The following ZNF138 variants were observed in gnomAD, a reference collection of about 807,000 sequenced individuals.
ZNF138 encodes zinc finger protein 138 (clone pHZ-32).
Under a neutral mutation model 33.0 loss-of-function variants are expected in ZNF138, and 33 were observed. The observed-to-expected ratio is 1.00, with a 90% CI of 0.76 to 1.34. The LOEUF (loss-of-function observed/expected upper bound fraction) is 1.34, where lower values mean the gene tolerates loss of function less well. Ranked by LOEUF, ZNF138 falls within the 40% of genes most tolerant of loss-of-function variation. ZNF138 has a pLI of 0.00. For missense variants in ZNF138, 360 were observed against 370.8 expected, an observed-to-expected ratio of 0.97 and a Z score of 0.24; for synonymous variants, 139 against 120.4, an observed-to-expected ratio of 1.15 and a Z score of -1.01.
At chr7:64,818,382 A>G (rs1788849527) in intron 3 of ZNF138, among the ~76,000 whole-genome samples, 1 of 152,162 alleles carries the variant, frequency 6.6e-6, no homozygotes, top group Non-Finnish European at 1.5e-5. Flanking sequence ...CTTTGCTTCC[A>G]CAGTTGGATT....
At chr7:64,849,783 A>T in the ZNF138 span, among the ~76,000 whole-genome samples, 1 of 151,814 alleles carries the variant, frequency 6.6e-6, no homozygotes, top group Non-Finnish European at 1.5e-5. Context: ...CAAAAGCAAG[A>T]CTCATTCCCA....
the ZNF138 span, among the ~76,000 whole-genome samples, chr7:64,847,334 T>TATATATATATATATA: frequency 6.2e-4 from 58 of 93,582 alleles, no homozygotes; most frequent in East Asian, 1.4e-3. Flanking sequence ...ATATATATAT[T>TATATATATATATATA]TTTTTTTTTT....
the ZNF138 span, among the ~76,000 whole-genome samples, chr7:64,841,738 A>G: frequency 6.6e-6 from 1 of 152,184 alleles, no homozygotes; most frequent in East Asian, 1.9e-4. Context: ...TCTTCATGCC[A>G]TGTCATTTTA....
At chr7:64,811,046 T>C (rs1471483358) in intron 1 of ZNF138, among the ~76,000 whole-genome samples, 1 of 152,200 alleles carries the variant, frequency 6.6e-6, no homozygotes. Flanking sequence ...ATAAACACAA[T>C]AAAAATTTCT....
At chr7:64,848,063 C>G in the ZNF138 span, among the ~76,000 whole-genome samples, 1 of 152,080 alleles carries the variant, frequency 6.6e-6, no homozygotes, top group Admixed American at 6.6e-5. Context: ...GGCAAATGCT[C>G]TCAGCATTTG....
chr7:64,814,866 C>G, intron 1 of ZNF138, 52 bp from the exon 2 acceptor site: 12 of 1,605,572 alleles, frequency 7.5e-6, no homozygotes, highest in Non-Finnish European at 1.0e-5. Context: ...AAAATTCTGC[C>G]CATGGCTACT....
intron 1 of ZNF138, among the ~76,000 whole-genome samples, chr7:64,812,483 A>G (rs1788256980): frequency 6.6e-6 from 1 of 152,082 alleles, no homozygotes; most frequent in Admixed American, 6.6e-5. Context: ...TTACCTTTTC[A>G]CTAAAGGGTG....
chr7:64,853,539 T>A, the ZNF138 span, among the ~76,000 whole-genome samples: 30 of 135,536 alleles, frequency 2.2e-4, no homozygotes, highest in African/African-American at 7.5e-4. Flanking sequence ...GTCTTCTAAA[T>A]TTATCTATAT....
intron 1 of ZNF138, among the ~76,000 whole-genome samples, chr7:64,807,625 G>C (rs533782591): frequency 1.6e-4 from 24 of 152,264 alleles, no homozygotes; most frequent in South Asian, 1.2e-3. Flanking sequence ...GTAAATCTCT[G>C]CCTGAGATTT....
At chr7:64,800,765 CTT>C (rs577860223) in intron 1 of ZNF138, among the ~76,000 whole-genome samples, 1 of 151,878 alleles carries the variant, frequency 6.6e-6, no homozygotes. Flanking sequence ...GGTACCAGCT[CTT>C]TTTTTTATAC....
chr7:64,823,926 A>G (rs1341775098), intron 3 of ZNF138, among the ~76,000 whole-genome samples: 1 of 152,192 alleles, frequency 6.6e-6, no homozygotes. Flanking sequence ...TGACAGATTG[A>G]GACTCCACCT....
chr7:64,833,801 C>T (rs4429995), downstream of ZNF138: 150,131 of 152,354 alleles, frequency 0.99, 74,011 homozygotes, highest in East Asian at 1. Context: ...CTTGGTTTAC[C>T]GTAACCTCTG....
At chr7:64,853,022 G>A in the ZNF138 span, 9 of 1,495,334 alleles carry the variant, frequency 6.0e-6, no homozygotes, top group African/African-American at 6.9e-5. Context: ...GACCCCCATT[G>A]CGTAGAGGTC....
intron 1 of ZNF138, among the ~76,000 whole-genome samples, chr7:64,797,338 T>C (rs1443122940): frequency 2.0e-5 from 3 of 152,238 alleles, no homozygotes; most frequent in Non-Finnish European, 4.4e-5. Context: ...TTACATACTT[T>C]TGCATTTGAG....
chr7:64,809,985 G>A (rs77934972), intron 1 of ZNF138, among the ~76,000 whole-genome samples: 43,534 of 75,168 alleles, frequency 0.58, 13,314 homozygotes, highest in East Asian at 0.68. Context: ...TGGGCAGCCA[G>A]GCAGAGGGGC....
chr7:64,817,139 T>G (rs1277899693), intron 3 of ZNF138, among the ~76,000 whole-genome samples: 1 of 151,294 alleles, frequency 6.6e-6, no homozygotes, highest in East Asian at 1.9e-4. Context: ...TGGGTTTCTA[T>G]GTAGGCAGAA....
At chr7:64,840,408 ATTT>A in the ZNF138 span, among the ~76,000 whole-genome samples, 1 of 152,156 alleles carries the variant, frequency 6.6e-6, no homozygotes, top group Non-Finnish European at 1.5e-5. Context: ...CGTTGGTTAA[ATTT>A]TTTATTTATA....
chr7:64,825,581 C>G (rs1207155421), intron 3 of ZNF138, among the ~76,000 whole-genome samples: 1 of 148,190 alleles, frequency 6.7e-6, no homozygotes, highest in African/African-American at 2.5e-5. Context: ...TGCTCTGTCG[C>G]CAAGCTGGAG....
At chr7:64,844,429 A>G in the ZNF138 span, among the ~76,000 whole-genome samples, 286 of 152,038 alleles carry the variant, frequency 1.9e-3, 3 homozygotes, top group African/African-American at 6.6e-3. Context: ...GGAGACAGTG[A>G]TAGCAAAAGG....
Sources: gnomAD v4.1 joint callset for allele counts (sites outside exome capture counted in the v4.1 genomes callset) on GRCh38, gnomAD v4.1.1 for gene constraint, MANE v1.5 for transcripts, NCBI Gene and HGNC (gene_info 2026-07-23, HGNC 2026-07-21) for gene names.